Variants in ITPR1 observed in about 807,000 individuals in gnomAD.
ITPR1 encodes inositol 1,4,5-trisphosphate-gated calcium channel ITPR1.
ITPR1 carries 96 observed loss-of-function variants against 318.4 expected under a neutral mutation model. The ratio of observed to expected loss-of-function variants is 0.30; its 90% confidence interval spans 0.26 to 0.36. ITPR1 has a LOEUF of 0.36. ITPR1 is among the 10% of genes least tolerant of loss of function. The pLI is 1.00. For missense variants in ITPR1, 2,440 were observed against 3,460.2 expected, an observed-to-expected ratio of 0.71 and a Z score of 7.40; for synonymous variants, 1,312 against 1,289.9, an observed-to-expected ratio of 1.02 and a Z score of -0.37.
In ITPR1 at chr3:4,662,274, C is replaced by G. The variant is rs1047661929; in HGVS notation, c.1412+32C>G. The G allele has an allele frequency of 4.0e-6, 6 of 1,485,054 alleles. No individual in the cohort carries two copies. In the African/African-American group the frequency reaches 8.4e-5, roughly 21 times the overall value. The allele number at this position is 1,485,054 out of a possible 1,614,324, so 92.0% of individuals were successfully genotyped here. A position where few individuals can be genotyped will look rare whatever the true frequency, so the allele number is the denominator to read the frequency against. ...ACTCCCGCATGCTCAGCACAGCCGC[C>G]CTCCCGCACTGAGAGTTTCTGACAT... is the stretch of plus-strand genomic sequence containing the variant. On this transcript the variant is annotated intron_variant, in intron 15 of 61. Coordinates refer to ENST00000649015, the MANE Select transcript of ITPR1 (RefSeq NM_001378452.1).
chr3:4,581,044 C>T (rs1006009116), intron 4 of ITPR1, among the ~76,000 whole-genome samples: 1 of 152,210 alleles, frequency 6.6e-6, no homozygotes, highest in African/African-American at 2.4e-5. Flanking sequence ...CCTGTCCCGA[C>T]TCCTCCACAT....
chr3:4,552,976 T>C lies in ITPR1; in HGVS notation c.163+31882T>C, dbSNP rs111915636. Among the ~76,000 whole-genome samples the C allele has an allele frequency of 5.3e-3, 806 of 152,270 alleles. 3 individuals are homozygous for C. Among genetic ancestry groups the C allele is most frequent in the Non-Finnish European group, 8.4e-3 (571 of 68,028 alleles). On this transcript the variant is annotated intron_variant, in intron 4 of 61. Transcript: ENST00000649015. ...TTTTATGCCTAACTCCGCTGCTAGATTGTGGGTAGGGACTTTCTCGTTGAC... is the reference window on the plus strand; with the variant it reads ...TTTTATGCCTAACTCCGCTGCTAGACTGTGGGTAGGGACTTTCTCGTTGAC...
intron 39 of ITPR1, among the ~76,000 whole-genome samples, chr3:4,712,824 A>C (rs2041481107): frequency 6.6e-6 from 1 of 152,262 alleles, no homozygotes; most frequent in African/African-American, 2.4e-5. Flanking sequence ...CGGATTTTGC[A>C]GTTTCTTAGT....
Position 4,585,057 on chromosome 3 carries a change from C to T in ITPR1, c.164-42706C>T, listed in dbSNP as rs147873285. Among the ~76,000 whole-genome samples, 241 of 152,242 alleles carry T rather than the reference C, an allele frequency of 1.6e-3. 1 individual carries two copies. The highest frequency in any genetic ancestry group is 5.5e-3 in the African/African-American group (229 of 41,504). ...GTGAGAGCTGGTGAGACCCACCCTC[C>T]GAGGGTCCTAACTGTGTGCGGCTGT... is the stretch of plus-strand genomic sequence containing the variant. On this transcript the variant is annotated intron_variant, in intron 4 of 61. Coordinates refer to ENST00000649015, the MANE Select transcript of ITPR1 (RefSeq NM_001378452.1).
intron 61 of ITPR1, among the ~76,000 whole-genome samples, chr3:4,839,494 T>G (rs990022937): frequency 7.9e-5 from 12 of 152,208 alleles, no homozygotes; most frequent in South Asian, 2.1e-4. Flanking sequence ...GTGTGTGTGT[T>G]TTTATTTGCT....
At chr3:4,688,407 C>T (rs1259913201) in intron 30 of ITPR1, 88 bp from the exon 31 acceptor site, 11 of 1,514,710 alleles carry the variant, frequency 7.3e-6, no homozygotes, top group Admixed American at 5.2e-5. Flanking sequence ...CACCTTCTGA[C>T]TCCCACGTTA....
chr3:4,618,633 C>T (rs376681220), intron 4 of ITPR1, among the ~76,000 whole-genome samples: 17 of 152,084 alleles, frequency 1.1e-4, no homozygotes, highest in South Asian at 8.3e-4. Flanking sequence ...TAGCGTTTAC[C>T]GAGTCTTCCC....
At chr3:4,778,266 T>C (rs1458380203) in intron 48 of ITPR1, among the ~76,000 whole-genome samples, 3 of 152,234 alleles carry the variant, frequency 2.0e-5, no homozygotes, top group African/African-American at 7.2e-5. Context: ...TTTCAAAACA[T>C]GTTAGCCTTT....
intron 4 of ITPR1, among the ~76,000 whole-genome samples, chr3:4,614,581 G>A (rs1367310244): frequency 8.5e-5 from 13 of 152,254 alleles, no homozygotes; most frequent in African/African-American, 3.1e-4. Context: ...CAGCTCACAT[G>A]TGATAGAGCT....
intron 29 of ITPR1, among the ~76,000 whole-genome samples, chr3:4,684,701 T>A (rs2094360217): frequency 6.6e-6 from 1 of 152,190 alleles, no homozygotes; most frequent in Non-Finnish European, 1.5e-5. Context: ...AGAGCTGTAG[T>A]TTTTTAGAAA....
chr3:4,602,921 ATAG>A (rs1210014853), intron 4 of ITPR1, among the ~76,000 whole-genome samples: 1 of 152,096 alleles, frequency 6.6e-6, no homozygotes, highest in Admixed American at 6.6e-5. Flanking sequence ...CTGGAATTCG[ATAG>A]TGGTGGTGGT....
At chr3:4,541,379 G>T (rs1034358788) in intron 4 of ITPR1, among the ~76,000 whole-genome samples, 2 of 151,866 alleles carry the variant, frequency 1.3e-5, no homozygotes, top group Admixed American at 1.3e-4. Flanking sequence ...TAGATTGATG[G>T]GTACTTTCTG....
intron 46 of ITPR1, among the ~76,000 whole-genome samples, chr3:4,772,882 C>T (rs1197350105): frequency 6.6e-6 from 1 of 152,228 alleles, no homozygotes; most frequent in African/African-American, 2.4e-5. Context: ...ATGGGAGAGG[C>T]TTTCAGGAAT....
chr3:4,673,728 G>A (rs1209846103), intron 21 of ITPR1, among the ~76,000 whole-genome samples: 2 of 152,048 alleles, frequency 1.3e-5, no homozygotes, highest in African/African-American at 2.4e-5. Flanking sequence ...GACTACAGAC[G>A]CCCACCACCA....
chr3:4,495,046 C>A (rs960372711), intron 2 of ITPR1, among the ~76,000 whole-genome samples: 2 of 152,168 alleles, frequency 1.3e-5, no homozygotes, highest in African/African-American at 4.8e-5. Context: ...TTGACTCAAG[C>A]CACCTGAGTG....
chr3:4,772,383 C>T (rs2046242337), intron 46 of ITPR1, among the ~76,000 whole-genome samples: 1 of 152,226 alleles, frequency 6.6e-6, no homozygotes, highest in Non-Finnish European at 1.5e-5. Context: ...CCTTAACTTT[C>T]CTGTTGGTAA....
chr3:4,518,414 G>T (rs1216661949), intron 3 of ITPR1, among the ~76,000 whole-genome samples: 6 of 152,130 alleles, frequency 3.9e-5, no homozygotes, highest in Admixed American at 6.5e-5. Context: ...AAGTGAGGAG[G>T]GCTTCTTTTT....
chr3:4,669,327 G>C (rs769761844), intron 18 of ITPR1, among the ~76,000 whole-genome samples: 2 of 152,186 alleles, frequency 1.3e-5, no homozygotes, highest in African/African-American at 4.8e-5. Flanking sequence ...ACATCAGGGC[G>C]TTGCCTCTCA....
At chr3:4,637,630 T>G (rs1470300839) in intron 5 of ITPR1, among the ~76,000 whole-genome samples, 1 of 152,206 alleles carries the variant, frequency 6.6e-6, no homozygotes, top group African/African-American at 2.4e-5. Context: ...AGGGAAGTTT[T>G]GAATGGGCTG....
Sources: allele counts gnomAD v4.1 joint callset (sites outside exome capture counted in the v4.1 genomes callset), GRCh38; gene constraint gnomAD v4.1.1; transcripts MANE v1.5; gene names NCBI Gene and HGNC (gene_info 2026-07-23, HGNC 2026-07-21).